VPS53: variants seen among roughly 807,000 people sequenced by gnomAD.
The protein encoded by VPS53 is vacuolar protein sorting-associated protein 53 homolog.
A neutral mutation model predicts 107.0 loss-of-function variants in VPS53; 70 were observed. The ratio of observed to expected loss-of-function variants is 0.65; its 90% confidence interval spans 0.54 to 0.80. The LOEUF (loss-of-function observed/expected upper bound fraction) is 0.80, where lower values mean the gene tolerates loss of function less well. Among genes scored for constraint, VPS53 ranks in the 30% least tolerant of loss-of-function variants. The pLI is 0.00. For missense variants in VPS53, 917 were observed against 1,049.4 expected (o/e 0.87, Z 1.74); for synonymous variants, 409 against 393.3 (o/e 1.04, Z -0.47).
chr17:611,729 C>T (rs1968885727), intron 11 of VPS53, among the ~76,000 whole-genome samples: 1 of 152,126 alleles, frequency 6.6e-6, no homozygotes, highest in African/African-American at 2.4e-5. Flanking sequence ...CAAATATTCA[C>T]ATAGTGAGTT....
chr17:713,481 G>A (rs8067740), intron 1 of VPS53, among the ~76,000 whole-genome samples: 14,924 of 148,202 alleles, frequency 0.1, 825 homozygotes, highest in East Asian at 0.22. Flanking sequence ...GGTGAAACCC[G>A]GTCTCTACTA....
Position 703,997 on chromosome 17 carries a change from T to C in VPS53, c.169-4617A>G, listed in dbSNP as rs1289347251. Among the ~76,000 whole-genome samples, 3 of 152,226 alleles carry C rather than the reference T, an allele frequency of 2.0e-5. No individual in the cohort carries two copies. In the East Asian group the frequency reaches 5.8e-4, roughly 29 times the overall value. Reference sequence around the variant, plus strand: ...GAGCTGGATCTTGGGTTTTTTTTTCTCTTAACAATACAGATCCAGAGCATT... The same window carrying C: ...GAGCTGGATCTTGGGTTTTTTTTTCCCTTAACAATACAGATCCAGAGCATT... On this transcript the variant is annotated intron_variant, in intron 2 of 21. Transcript: ENST00000437048.
At chr17:671,878 G>A (rs1485334111) in intron 4 of VPS53, among the ~76,000 whole-genome samples, 2 of 152,026 alleles carry the variant, frequency 1.3e-5, no homozygotes, top group African/African-American at 2.4e-5. Flanking sequence ...TAGTAGAGAC[G>A]GGGTTTCACC....
intron 4 of VPS53, among the ~76,000 whole-genome samples, chr17:686,420 C>A (rs1180931132): frequency 6.6e-6 from 1 of 152,138 alleles, no homozygotes; most frequent in Non-Finnish European, 1.5e-5. Context: ...ATAATAAATT[C>A]TGTTGTCAAG....
chr17:659,521 T>TC (rs1314015781), intron 5 of VPS53, among the ~76,000 whole-genome samples: 19 of 152,062 alleles, frequency 1.2e-4, no homozygotes, highest in African/African-American at 3.6e-4. Flanking sequence ...CCTCAAGTGA[T>TC]CCCCCCTCCT....
At chr17:647,050 A>G (rs946835839) in intron 7 of VPS53, among the ~76,000 whole-genome samples, 6 of 152,236 alleles carry the variant, frequency 3.9e-5, no homozygotes, top group Non-Finnish European at 8.8e-5. Context: ...AGCAAGGCAT[A>G]TAAAACCTGA....
At chr17:561,573 A>G (rs1912992098) in intron 14 of VPS53, among the ~76,000 whole-genome samples, 1 of 152,188 alleles carries the variant, frequency 6.6e-6, no homozygotes, top group Admixed American at 6.5e-5. Context: ...AGAACGGAAA[A>G]ATATATACAA....
At chr17:580,415 C>T (rs1375328187) in intron 13 of VPS53, among the ~76,000 whole-genome samples, 1 of 151,676 alleles carries the variant, frequency 6.6e-6, no homozygotes, top group Non-Finnish European at 1.5e-5. Flanking sequence ...CAGAGATCCT[C>T]CCTCAGGACC....
intron 11 of VPS53, among the ~76,000 whole-genome samples, chr17:610,681 C>T (rs1357468007): frequency 1.3e-5 from 2 of 150,266 alleles, no homozygotes; most frequent in Admixed American, 6.7e-5. Flanking sequence ...TATGAGAGGT[C>T]GAGGCGGGTG....
At chr17:657,397 TG>T in intron 5 of VPS53, 1 of 820,522 alleles carries the variant, frequency 1.2e-6, no homozygotes, top group Non-Finnish European at 2.1e-6. Context: ...TTCTTAAGTC[TG>T]TTCCTTAGGA....
chr17:653,889 G>C (rs942846592), intron 6 of VPS53, among the ~76,000 whole-genome samples: 2 of 152,196 alleles, frequency 1.3e-5, no homozygotes, highest in Non-Finnish European at 2.9e-5. Context: ...AGGCGCGGTG[G>C]CTCAGCCTGT....
chr17:598,222 C>G (rs1268359785), intron 12 of VPS53, among the ~76,000 whole-genome samples: 1 of 152,210 alleles, frequency 6.6e-6, no homozygotes, highest in Admixed American at 6.5e-5. Flanking sequence ...CTCGGCCTCC[C>G]GAGGTGCCGG....
chr17:628,398 G>A (rs1294269087), intron 8 of VPS53, among the ~76,000 whole-genome samples, 167 bp from the exon 9 acceptor site: 2 of 152,128 alleles, frequency 1.3e-5, no homozygotes, highest in African/African-American at 2.4e-5. Context: ...GCTGCTCCTC[G>A]AGGATGGAAT....
At chr17:627,940 C>G in intron 9 of VPS53, 148 bp downstream of exon 9, 3 of 745,802 alleles carry the variant, frequency 4.0e-6, no homozygotes, top group Non-Finnish European at 6.2e-6. Context: ...TGGTTAAGAA[C>G]TATAAACTCA....
intron 4 of VPS53, among the ~76,000 whole-genome samples, chr17:686,437 GTTTAT>G (rs372586326): frequency 4.5e-4 from 68 of 152,340 alleles, no homozygotes; most frequent in African/African-American, 1.6e-3. Flanking sequence ...CAAGTGGAAT[GTTTAT>G]TTTAACTATA....
At chr17:598,493 C>T (rs900748078) in intron 12 of VPS53, among the ~76,000 whole-genome samples, 5 of 150,720 alleles carry the variant, frequency 3.3e-5, no homozygotes, top group African/African-American at 9.8e-5. Context: ...TCCGCCCGGC[C>T]GCCATCCCAC....
chr17:633,229 A>G (rs1470138979), intron 7 of VPS53, among the ~76,000 whole-genome samples: 1 of 152,150 alleles, frequency 6.6e-6, no homozygotes, highest in East Asian at 1.9e-4. Flanking sequence ...ACGCCCCACA[A>G]TCGATCGCAT....
intron 12 of VPS53, among the ~76,000 whole-genome samples, chr17:594,606 G>A (rs1301121928): frequency 2.7e-5 from 4 of 146,208 alleles, no homozygotes; most frequent in African/African-American, 7.8e-5. Context: ...CTAGTGCCCC[G>A]CCCTGGAGGA....
intron 7 of VPS53, among the ~76,000 whole-genome samples, chr17:652,569 C>T (rs138148835): frequency 6.1e-4 from 93 of 152,280 alleles, no homozygotes; most frequent in African/African-American, 2.2e-3. Flanking sequence ...CCAGCAACGG[C>T]CTGGCCAAGC....
Sources: allele counts gnomAD v4.1 joint callset (sites outside exome capture counted in the v4.1 genomes callset), GRCh38; gene constraint gnomAD v4.1.1; transcripts MANE v1.5; gene names NCBI Gene and HGNC (gene_info 2026-07-23, HGNC 2026-07-21).